The following FOXP1 variants were observed in gnomAD, a reference collection of about 807,000 sequenced individuals.
The protein encoded by FOXP1 is forkhead box P1.
In FOXP1, 15 loss-of-function variants were observed where a neutral mutation model predicts 98.2. That is an observed-to-expected ratio of 0.15 (90% CI 0.10 to 0.24). FOXP1 has a LOEUF of 0.24. Ranked by LOEUF, FOXP1 falls within the 10% of genes least tolerant of loss-of-function variation. FOXP1 has a pLI of 1.00. For missense variants in FOXP1, 633 were observed against 848.5 expected (o/e 0.75, Z 3.15); for synonymous variants, 371 against 314.5 (o/e 1.18, Z -1.90).
At chr3:71,142,572 T>A (rs1449378285) in intron 6 of FOXP1, among the ~76,000 whole-genome samples, 1 of 152,180 alleles carries the variant, frequency 6.6e-6, no homozygotes, top group Non-Finnish European at 1.5e-5. Context: ...GTGGGTAGAC[T>A]CTAGATGCTG....
chr3:70,955,950 TTCTC>T lies in FOXP1; in HGVS notation c.*3293_*3296del, dbSNP rs1264060698. ...AAGCAGAAAAAAAAAGTTAGGGAGT[TTCTC>T]CCTCCCACATGTCAGGAAATGTCAT... On this transcript the variant is annotated 3_prime_UTR_variant, in exon 21 of 21. Transcript: ENST00000649528. The T allele has an allele frequency of 4.3e-6, 1 of 233,024 alleles. No individual in the cohort carries two copies. The highest frequency in any genetic ancestry group is 8.5e-6 in the Non-Finnish European group (1 of 118,044). The allele number at this position is 233,024 out of a possible 1,614,324, so 14.4% of individuals were successfully genotyped here.
intron 11 of FOXP1, among the ~76,000 whole-genome samples, chr3:71,022,954 G>C (rs889215879): frequency 1.3e-5 from 2 of 152,168 alleles, no homozygotes; most frequent in African/African-American, 4.8e-5. Flanking sequence ...CATCATGGCT[G>C]TGGAGCAGGG....
rs181554945 is a variant in FOXP1 at position 71,395,178 on chromosome 3, G to A, written c.-167-35934C>T. On this transcript the variant is annotated intron_variant, in intron 3 of 20. Transcript: ENST00000649528. ...TCTACTTCCCCCTAGTTAATATCTG[G>A]AGACTGTTTCACTGATTCTATTATT... 3.9e-3 allele frequency among the ~76,000 whole-genome samples: 591 copies of A among 149,958 alleles called. 3 individuals carry two copies. Among genetic ancestry groups the A allele is most frequent in the African/African-American group, 0.014 (568 of 40,630 alleles).
intron 4 of FOXP1, chr3:71,335,091 C>T (rs2076586033): frequency 6.6e-6 from 1 of 151,890 alleles, no homozygotes; most frequent in Non-Finnish European, 1.5e-5. Flanking sequence ...GAGACCCCAC[C>T]TCTACAAAAA....
chr3:71,474,266 G>C (rs1307936420), intron 3 of FOXP1, among the ~76,000 whole-genome samples: 1 of 151,782 alleles, frequency 6.6e-6, no homozygotes, highest in Non-Finnish European at 1.5e-5. Flanking sequence ...GGCCAAAAGA[G>C]GACTAGAAAA....
chr3:71,302,978 C>A (rs1281909028), intron 4 of FOXP1: 1 of 152,106 alleles, frequency 6.6e-6, no homozygotes, highest in African/African-American at 2.4e-5. Context: ...ATCATACTTT[C>A]TATGGATATA....
chr3:71,012,483 T>A (rs2043798451), intron 12 of FOXP1, among the ~76,000 whole-genome samples: 1 of 152,130 alleles, frequency 6.6e-6, no homozygotes, highest in Non-Finnish European at 1.5e-5. Flanking sequence ...TAGAAGCAAT[T>A]TTGGACATCT....
intron 2 of FOXP1, among the ~76,000 whole-genome samples, chr3:71,543,734 A>T (rs2107627043): frequency 6.6e-6 from 1 of 152,362 alleles, no homozygotes; most frequent in Middle Eastern, 3.4e-3. Flanking sequence ...TGAGAGCTGC[A>T]GGCCTATATC....
At chr3:71,330,822 G>C (rs1266597740) in intron 4 of FOXP1, among the ~76,000 whole-genome samples, 1 of 152,236 alleles carries the variant, frequency 6.6e-6, no homozygotes, top group Non-Finnish European at 1.5e-5. Context: ...CAGAAGCACA[G>C]TTTTTGAATC....
intron 3 of FOXP1, among the ~76,000 whole-genome samples, chr3:71,399,061 C>A (rs979979819): frequency 6.6e-6 from 1 of 152,080 alleles, no homozygotes; most frequent in African/African-American, 2.4e-5. Context: ...TGTGATGCCT[C>A]GCTGATTATA....
At chr3:71,510,211 A>G (rs1440406259) in intron 2 of FOXP1, among the ~76,000 whole-genome samples, 1 of 151,830 alleles carries the variant, frequency 6.6e-6, no homozygotes, top group Non-Finnish European at 1.5e-5. Flanking sequence ...GAGTCAGGCC[A>G]TGTGCGGTAG....
intron 18 of FOXP1, 190 bp downstream of exon 18, chr3:70,972,365 A>G: frequency 1.1e-6 from 1 of 921,360 alleles, no homozygotes. Context: ...TGCAACAAAG[A>G]CCAGCAAGCA....
intron 5 of FOXP1, among the ~76,000 whole-genome samples, chr3:71,234,869 G>A (rs2066642864): frequency 6.6e-6 from 1 of 152,132 alleles, no homozygotes; most frequent in Non-Finnish European, 1.5e-5. Flanking sequence ...TGCAGCTTCA[G>A]GGCAGAACAG....
chr3:71,065,078 G>A (rs1437205542), intron 7 of FOXP1, among the ~76,000 whole-genome samples: 1 of 145,554 alleles, frequency 6.9e-6, no homozygotes, highest in African/African-American at 2.5e-5. Flanking sequence ...CGCGGCCCGC[G>A]CCCCGCGCCC....
At chr3:71,044,713 A>T (rs543252919) in intron 10 of FOXP1, among the ~76,000 whole-genome samples, 1 of 152,340 alleles carries the variant, frequency 6.6e-6, no homozygotes, top group Non-Finnish European at 1.5e-5. Flanking sequence ...TTTCCAGGAC[A>T]ACTGGCCCCT....
At position 71,208,536 on chromosome 3, in the gene FOXP1, T is replaced by TTCTGTGTGTGTGTGTGTG. The variant is rs10529764; in HGVS notation, c.-11-10145_-11-10144insCACACACACACACACAGA. 9.8e-4 allele frequency among the ~76,000 whole-genome samples: 147 copies of TTCTGTGTGTGTGTGTGTG among 149,454 alleles called. 1 individual carries two copies. The highest frequency in any genetic ancestry group is 3.2e-3 in the African/African-American group (131 of 40,364). On this transcript the variant is annotated intron_variant, in intron 5 of 20. Transcript: ENST00000649528. ...TTTATCAAAATTCTAGCATTTAAGT[T>TTCTGTGTGTGTGTGTGTG]TGTGTGTGTGTGTGTGTGTGTGTGT...
chr3:71,370,783 A>G (rs547994118), intron 3 of FOXP1, among the ~76,000 whole-genome samples: 2 of 145,738 alleles, frequency 1.4e-5, no homozygotes, highest in Non-Finnish European at 3.0e-5. Context: ...TCCCAACCCT[A>G]GAGTTTTTTT....
At chr3:71,289,811 G>C (rs1437646975) in intron 5 of FOXP1, 1 of 151,962 alleles carries the variant, frequency 6.6e-6, no homozygotes, top group Non-Finnish European at 1.5e-5. Flanking sequence ...ACCATGCCCA[G>C]CTAATTTTTG....
intron 4 of FOXP1, chr3:71,332,217 C>T (rs776100135): frequency 3.3e-5 from 5 of 153,778 alleles, no homozygotes; most frequent in Non-Finnish European, 7.2e-5. Flanking sequence ...CTGAAGCCAG[C>T]GAGACTACGA....
Sources: gnomAD v4.1 joint callset for allele counts (sites outside exome capture counted in the v4.1 genomes callset) on GRCh38, gnomAD v4.1.1 for gene constraint, MANE v1.5 for transcripts, NCBI Gene and HGNC (gene_info 2026-07-23, HGNC 2026-07-21) for gene names.